The following FER1L6 variants were observed in gnomAD, a reference collection of about 807,000 sequenced individuals.
FER1L6 encodes the protein fer-1 like family member 6.
FER1L6 carries 177 observed loss-of-function variants against 219.2 expected under a neutral mutation model. The ratio of observed to expected loss-of-function variants is 0.81; its 90% confidence interval spans 0.71 to 0.91. The LOEUF (loss-of-function observed/expected upper bound fraction) is 0.91, where lower values mean the gene tolerates loss of function less well. FER1L6 is among the 40% of genes least tolerant of loss of function. The probability of loss-of-function intolerance (pLI) is 0.00; values close to 1 mark genes in which losing one functional copy is unlikely to be tolerated. For synonymous variants in FER1L6, 768 were observed against 824.3 expected (o/e 0.93, Z 1.17); for missense variants, 2,153 against 2,259.9 (o/e 0.95, Z 0.96).
chr8:124,096,104 C>T (rs76907934), intron 35 of FER1L6, among the ~76,000 whole-genome samples: 5,186 of 152,228 alleles, frequency 0.034, 276 homozygotes, highest in African/African-American at 0.12. Flanking sequence ...AGTGATTGCA[C>T]GTGTGGACGA....
At chr8:124,059,732 G>A (rs990213954) in intron 22 of FER1L6, among the ~76,000 whole-genome samples, 2 of 152,210 alleles carry the variant, frequency 1.3e-5, no homozygotes, top group African/African-American at 4.8e-5. Flanking sequence ...AGTAGTATTA[G>A]TATTAGTAGC....
intron 6 of FER1L6, among the ~76,000 whole-genome samples, chr8:123,972,618 T>G (rs1586537156): frequency 6.6e-6 from 1 of 152,222 alleles, no homozygotes; most frequent in Non-Finnish European, 1.5e-5. Context: ...CTGACAGTTA[T>G]AAACATTGTT....
intron 1 of FER1L6, among the ~76,000 whole-genome samples, chr8:123,915,787 G>C (rs1813172170): frequency 6.6e-6 from 1 of 152,142 alleles, no homozygotes; most frequent in Non-Finnish European, 1.5e-5. Context: ...CTTCTTAGAG[G>C]ATATGCATCT....
At chr8:124,003,606 C>A (rs1300384224) in intron 13 of FER1L6, among the ~76,000 whole-genome samples, 1 of 151,538 alleles carries the variant, frequency 6.6e-6, no homozygotes, top group Non-Finnish European at 1.5e-5. Context: ...GTATCTGGGA[C>A]TACAGGCACA....
At chr8:123,865,335 C>G (rs1399417752) in intron 1 of FER1L6, among the ~76,000 whole-genome samples, 4 of 149,242 alleles carry the variant, frequency 2.7e-5, no homozygotes, top group East Asian at 1.9e-4. Flanking sequence ...GCAGTCTGCC[C>G]GTTCTCAGAT....
intron 2 of FER1L6, among the ~76,000 whole-genome samples, chr8:123,962,971 G>C (rs532058017): frequency 6.6e-6 from 1 of 152,164 alleles, no homozygotes; most frequent in Non-Finnish European, 1.5e-5. Flanking sequence ...CCTTGGGTGG[G>C]GGAGGGGGTT....
chr8:124,021,602 T>C lies in FER1L6; in HGVS notation c.2066T>C (p.Leu689Ser), dbSNP rs1818454989. The C allele has an allele frequency of 6.2e-7, 1 of 1,614,182 alleles. No homozygotes were observed. The highest frequency in any genetic ancestry group is 1.3e-5 in the African/African-American group (1 of 75,060). ...ATCATTCAGCAGCAGAAGAAAAAGTTATCTGTTGATGAAATGATTCACGAA... is the reference window on the plus strand; with the variant it reads ...ATCATTCAGCAGCAGAAGAAAAAGTCATCTGTTGATGAAATGATTCACGAA... ...KGIIQQQKKKLSVDEMIHEAQ... is the reference protein window; with the variant it reads ...KGIIQQQKKKSSVDEMIHEAQ... Residue 689 changes from leucine to serine, a missense_variant, in exon 17 of 41, where the codon TTA (leucine) becomes TCA (serine). Coordinates refer to ENST00000522917, the MANE Select transcript of FER1L6 (RefSeq NM_001039112.2).
chr8:124,106,944 C>CTTTTTT (rs10561745), intron 39 of FER1L6, among the ~76,000 whole-genome samples: 1 of 127,828 alleles, frequency 7.8e-6, no homozygotes, highest in Non-Finnish European at 1.7e-5. Context: ...ATAAGGTTTT[C>CTTTTTT]TTTTTTTTTT....
intron 10 of FER1L6, among the ~76,000 whole-genome samples, chr8:123,977,968 A>G (rs1052337861): frequency 1.3e-5 from 2 of 152,160 alleles, no homozygotes; most frequent in African/African-American, 2.4e-5. Context: ...CCCAGTTCCT[A>G]ACAGGATGGG....
chr8:123,975,932 A>G lies in FER1L6; in HGVS notation c.718A>G (p.Arg240Gly). 6.2e-7 allele frequency: 1 copy of G among 1,612,986 alleles called. No individual in the cohort carries two copies. Among genetic ancestry groups the G allele is most frequent in the East Asian group, 2.2e-5 (1 of 44,840 alleles). The change falls in exon 9 of 41, where the codon AGA (arginine) becomes GGA (glycine). Residue 240 changes from arginine to glycine, a missense_variant. By Grantham distance (125) the Arg-to-Gly change is moderately radical. Coordinates refer to ENST00000522917, the MANE Select transcript of FER1L6 (RefSeq NM_001039112.2). ...GATCCCCAATGGGTTTCCACTGGAGAGACCGTGGGCCAGATTCTATGTGAG... is the reference window on the plus strand; with the variant it reads ...GATCCCCAATGGGTTTCCACTGGAGGGACCGTGGGCCAGATTCTATGTGAG... ...LLIPNGFPLE[R>G]PWARFYVRLY...
intron 1 of FER1L6, among the ~76,000 whole-genome samples, chr8:123,854,991 C>A (rs1816605524): frequency 6.6e-6 from 1 of 152,246 alleles, no homozygotes; most frequent in South Asian, 2.1e-4. Flanking sequence ...ATCATCACCT[C>A]TACCTAGTTC....
At chr8:123,882,737 G>A (rs565517148) in intron 1 of FER1L6, among the ~76,000 whole-genome samples, 39 of 152,338 alleles carry the variant, frequency 2.6e-4, no homozygotes, top group Middle Eastern at 3.4e-3. Flanking sequence ...CTAAAAGAAC[G>A]TTATGAATAG....
chr8:124,018,452 C>T (rs1415220112), intron 16 of FER1L6, among the ~76,000 whole-genome samples: 1 of 152,216 alleles, frequency 6.6e-6, no homozygotes, highest in East Asian at 1.9e-4. Flanking sequence ...CCTAACTCCT[C>T]ATCCATCCTT....
intron 1 of FER1L6, among the ~76,000 whole-genome samples, chr8:123,918,772 T>G (rs1346915838): frequency 1.3e-5 from 2 of 152,280 alleles, no homozygotes; most frequent in South Asian, 4.1e-4. Context: ...TGCTTTGGCG[T>G]TCTTAAGAAT....
chr8:124,103,272 G>A lies in FER1L6; in HGVS notation c.5252G>A (p.Arg1751His), dbSNP rs764812791. Residue 1751 changes from arginine (R) to histidine (H), a missense_variant, in exon 39 of 41, where the codon CGT (arginine) becomes CAT (histidine). Transcript: ENST00000522917. Reference protein sequence around the residue: ...KISIFQQKRVRGWWPFSKSKE... With the variant: ...KISIFQQKRVHGWWPFSKSKE... ...TCTATATTCCAGCAAAAACGTGTGCGTGGCTGGTGGCCTTTTTCTAAAAGC... is the reference window on the plus strand; with the variant it reads ...TCTATATTCCAGCAAAAACGTGTGCATGGCTGGTGGCCTTTTTCTAAAAGC... The A allele has an allele frequency of 1.8e-5, 29 of 1,613,922 alleles. 1 individual carries two copies. The highest frequency in any genetic ancestry group is 1.6e-4 in the Middle Eastern group (1 of 6,070).
intron 1 of FER1L6, among the ~76,000 whole-genome samples, chr8:123,938,765 C>T (rs1014260047): frequency 1.3e-5 from 2 of 151,968 alleles, no homozygotes; most frequent in Non-Finnish European, 2.9e-5. Flanking sequence ...CCAGGCTGGC[C>T]TCAAACTCCT....
intron 1 of FER1L6, among the ~76,000 whole-genome samples, chr8:123,894,487 T>C (rs1812713173): frequency 6.6e-6 from 1 of 152,154 alleles, no homozygotes; most frequent in Non-Finnish European, 1.5e-5. Flanking sequence ...TATGAAACTA[T>C]AGTGAGATAA....
chr8:123,970,389 C>T (rs767394389), intron 6 of FER1L6, among the ~76,000 whole-genome samples: 1 of 152,148 alleles, frequency 6.6e-6, no homozygotes, highest in African/African-American at 2.4e-5. Flanking sequence ...ACACGTGCTT[C>T]AAGTGACATC....
At chr8:123,893,667 G>A (rs544543048) in intron 1 of FER1L6, among the ~76,000 whole-genome samples, 27 of 152,240 alleles carry the variant, frequency 1.8e-4, no homozygotes, top group Middle Eastern at 3.4e-3. Flanking sequence ...TACAGTTAAG[G>A]AATTGATTAT....
Sources: gnomAD v4.1 joint callset for allele counts (sites outside exome capture counted in the v4.1 genomes callset) on GRCh38, gnomAD v4.1.1 for gene constraint, MANE v1.5 for transcripts, NCBI Gene and HGNC (gene_info 2026-07-23, HGNC 2026-07-21) for gene names.